The following TERF2IP variants were observed in gnomAD, a reference collection of about 807,000 sequenced individuals.
TERF2IP encodes TERF2 interacting protein, also known as telomeric repeat-binding factor 2-interacting protein 1.
TERF2IP carries 35 observed loss-of-function variants against 33.3 expected under a neutral mutation model. The ratio of observed to expected loss-of-function variants is 1.05; its 90% CI spans 0.80 to 1.39. The LOEUF (loss-of-function observed/expected upper bound fraction) is 1.39. TERF2IP is among the 40% of genes most tolerant of loss of function. TERF2IP has a pLI of 0.00. For synonymous variants in TERF2IP, 253 were observed against 223.2 expected (o/e 1.13, Z -1.19); for missense variants, 583 against 524.8 (o/e 1.11, Z -1.08).
rs1454797138 is a variant in TERF2IP, at chr16:75,657,096, T to G, written c.*485T>G. The G allele has an allele frequency of 6.5e-6, 1 of 152,808 alleles. No homozygotes were observed. Among genetic ancestry groups the G allele is most frequent in the East Asian group, 1.9e-4 (1 of 5,200 alleles). The allele number at this position is 152,808 out of a possible 1,614,324, so 9.5% of individuals were successfully genotyped here. On this transcript the variant is annotated 3_prime_UTR_variant, in exon 3 of 3. Coordinates refer to ENST00000300086, the MANE Select transcript of TERF2IP (RefSeq NM_018975.4). ...TGAACACGGATTATCCCCAAACCCT[T>G]GTCATTTCCCCCAGTGAGCTCTGAT...
chr16:75,656,261 C>G lies in TERF2IP; in HGVS notation c.850C>G (p.Pro284Ala). 6.2e-7 allele frequency: 1 copy of G among 1,613,778 alleles called. No individual in the cohort carries two copies. The highest frequency in any genetic ancestry group is 8.5e-7 in the Non-Finnish European group (1 of 1,179,914). ...EIHITMCDDD[P>A]PTPEEDSETQ... Reference sequence around the variant, plus strand: ...ACATATAACTATGTGTGATGATGATCCACCCACACCTGAGGAAGACTCAGA... The same window carrying G: ...ACATATAACTATGTGTGATGATGATGCACCCACACCTGAGGAAGACTCAGA... The change falls in exon 3 of 3, where the codon CCA (proline) becomes GCA (alanine). Residue 284 changes from proline (P) to alanine (A), a missense_variant. By Grantham distance (27) the Pro-to-Ala change is conservative (BLOSUM62 -1). Coordinates refer to ENST00000300086, the MANE Select transcript of TERF2IP (RefSeq NM_018975.4).
At chr16:75,655,702 A>G (rs1343249491) in intron 2 of TERF2IP, among the ~76,000 whole-genome samples, 2 of 152,320 alleles carry the variant, frequency 1.3e-5, no homozygotes, top group South Asian at 2.1e-4. Flanking sequence ...GCCCTAATAC[A>G]TTCATACAGC....
rs2082383246 is a variant in TERF2IP at position 75,656,059 on chromosome 16, AAGGAACACAGCATATTAAG to A, written c.796-141_796-123del. ...CACATCTGACATGAATAAATGTAAG[AAGGAACACAGCATATTAAG>A]AGGAACTGAAGGAAGTCCAGTGTGA... On this transcript the variant is annotated intron_variant, in intron 2 of 2. Transcript: ENST00000300086. 5.2e-6 allele frequency: 4 copies of A among 770,314 alleles called. No individual in the cohort carries two copies. The South Asian group carries it at 7.1e-5, about 14-fold the overall frequency. The allele number at this position is 770,314 out of a possible 1,614,324, so 47.7% of individuals were successfully genotyped here. A position where few individuals can be genotyped will look rare whatever the true frequency, so the allele number is the denominator to read the frequency against.
At chr16:75,651,849 A>G (rs1167246513) in intron 1 of TERF2IP, among the ~76,000 whole-genome samples, 1 of 152,152 alleles carries the variant, frequency 6.6e-6, no homozygotes, top group Non-Finnish European at 1.5e-5. Flanking sequence ...TATACAAAAT[A>G]GAACAAAAGC....
rs2082310304 is a variant in TERF2IP at position 75,647,831 on chromosome 16, G to T, written c.-52G>T. The stretch of plus-strand genomic sequence containing the variant: ...GACAGCTCAGTCAGTTGAGCTCTGT[G>T]TGCCAGGCGCTCGCGAGGGGGTAGC... On this transcript the variant is annotated 5_prime_UTR_variant, in exon 1 of 3. Coordinates refer to ENST00000300086, the MANE Select transcript of TERF2IP (RefSeq NM_018975.4). The T allele has an allele frequency of 3.1e-6, 5 of 1,596,632 alleles. No homozygotes were observed. Among genetic ancestry groups the T allele is most frequent in the Non-Finnish European group, 4.3e-6 (5 of 1,168,766 alleles).
At chr16:75,654,905 T>C (rs1370590431) in intron 2 of TERF2IP, among the ~76,000 whole-genome samples, 1 of 152,162 alleles carries the variant, frequency 6.6e-6, no homozygotes, top group Non-Finnish European at 1.5e-5. Flanking sequence ...ATTATTTGTA[T>C]TTTTAGTAGA....
chr16:75,650,246 T>C (rs1422396249), intron 1 of TERF2IP, among the ~76,000 whole-genome samples: 1 of 152,086 alleles, frequency 6.6e-6, no homozygotes, highest in South Asian at 2.1e-4. Flanking sequence ...GTTTTTCCTA[T>C]AGGATGATAA....
chr16:75,650,959 T>A (rs1186574080), intron 1 of TERF2IP, among the ~76,000 whole-genome samples: 1 of 152,126 alleles, frequency 6.6e-6, no homozygotes, highest in African/African-American at 2.4e-5. Context: ...GATATTTAAA[T>A]GTAAAAATTA....
intron 1 of TERF2IP, among the ~76,000 whole-genome samples, chr16:75,649,692 C>T (rs1296295690): frequency 1.3e-5 from 2 of 152,096 alleles, no homozygotes; most frequent in African/African-American, 4.8e-5. Context: ...TAAAGGCGTA[C>T]CAGACTTACT....
Position 75,656,391 on chromosome 16 carries a change from T to G in TERF2IP, c.980T>G (p.Leu327Trp). The part of the protein sequence containing the change: ...IIRQLMEKFN[L>W]DLSTVTQAFL... ...CGGCAGTTAATGGAGAAGTTTAACT[T>G]GGATCTATCAACAGTTACACAGGCC... is the stretch of plus-strand genomic sequence containing the variant. The change falls in exon 3 of 3, where the codon TTG (leucine) becomes TGG (tryptophan). Residue 327 changes from leucine to tryptophan, a missense_variant. Coordinates refer to ENST00000300086, the MANE Select transcript of TERF2IP (RefSeq NM_018975.4). The G allele has an allele frequency of 6.2e-7, 1 of 1,614,198 alleles. No homozygotes were observed. Among genetic ancestry groups the G allele is most frequent in the Non-Finnish European group, 8.5e-7 (1 of 1,180,024 alleles).
chr16:75,648,179 T>A lies in TERF2IP; in HGVS notation c.297T>A (p.Tyr99Ter). The change falls in exon 1 of 3, where the codon TAT becomes TAA. Residue 99 changes from tyrosine to a stop codon, truncating the protein, a stop_gained. Transcript: ENST00000300086. LOFTEE classifies it high-confidence loss of function. ...ERNERLELEA[Y>*]RLGPASAADT... ...ACGAGAGGCTGGAGCTGGAGGCCTA[T>A]CGGCTGGGCCCCGCCTCGGCGGCGG... is the stretch of plus-strand genomic sequence containing the variant. The A allele has an allele frequency of 6.4e-7, 1 of 1,560,346 alleles. No homozygotes were observed. The highest frequency in any genetic ancestry group is 8.7e-7 in the Non-Finnish European group (1 of 1,155,052).
Position 75,656,458 on chromosome 16 carries a change from C to T in TERF2IP, c.1047C>T (p.Phe349=). The part of the protein sequence containing the change: ...NSGELEATSA[F]LASGQRADGY... Reference sequence around the variant, plus strand: ...GTGAGCTGGAGGCTACTTCCGCCTTCTTAGCGTCTGGTCAGAGAGCTGATG... The same window carrying T: ...GTGAGCTGGAGGCTACTTCCGCCTTTTTAGCGTCTGGTCAGAGAGCTGATG... The change falls in exon 3 of 3, where the codon TTC becomes TTT. Residue 349 remains phenylalanine, a synonymous_variant. Coordinates refer to ENST00000300086, the MANE Select transcript of TERF2IP (RefSeq NM_018975.4). 2 of 1,614,238 alleles carry T rather than the reference C, an allele frequency of 1.2e-6. No individual in the cohort carries two copies. Among genetic ancestry groups the T allele is most frequent in the South Asian group, 1.1e-5 (1 of 91,088 alleles).
intron 1 of TERF2IP, among the ~76,000 whole-genome samples, chr16:75,649,298 C>CT (rs912450560): frequency 6.6e-6 from 1 of 152,202 alleles, no homozygotes; most frequent in African/African-American, 2.4e-5. Context: ...AATCCCAGCA[C>CT]TTTGGGAGGC....
intron 2 of TERF2IP, among the ~76,000 whole-genome samples, chr16:75,655,662 T>C (rs1460089327): frequency 6.6e-6 from 1 of 152,254 alleles, no homozygotes; most frequent in Non-Finnish European, 1.5e-5. Context: ...TAGCATGCTT[T>C]GTAATCTGTC....
rs750961373 is a variant in TERF2IP at position 75,654,354 on chromosome 16, A to G, written c.752A>G (p.Lys251Arg). The part of the protein sequence containing the change: ...EEIQENEEAV[K>R]KMLVEATREF... ...ATCCAGGAGAATGAAGAAGCAGTCA[A>G]AAAGATGCTTGTGGAAGCCACCCGG... The change falls in exon 2 of 3, where the codon AAA (lysine) becomes AGA (arginine). Residue 251 changes from lysine to arginine, a missense_variant. Transcript: ENST00000300086. 1 of 1,613,874 alleles carries G rather than the reference A, an allele frequency of 6.2e-7. No individual in the cohort carries two copies. The highest frequency in any genetic ancestry group is 1.3e-5 in the African/African-American group (1 of 74,936).
At position 75,647,811 on chromosome 16, in the gene TERF2IP, C is replaced by T; in HGVS notation, c.-72C>T. 3.8e-6 allele frequency: 6 copies of T among 1,595,726 alleles called. No homozygotes were observed. Among genetic ancestry groups the T allele is most frequent in the Non-Finnish European group, 5.1e-6 (6 of 1,166,650 alleles). On this transcript the variant is annotated 5_prime_UTR_variant, in exon 1 of 3. Coordinates refer to ENST00000300086, the MANE Select transcript of TERF2IP (RefSeq NM_018975.4). ...GCGGCAGAGGCGTCTGCGGTGACAG[C>T]TCAGTCAGTTGAGCTCTGTGTGCCA... is the stretch of plus-strand genomic sequence containing the variant.
In TERF2IP at chr16:75,647,804, G is replaced by GTT; in HGVS notation, c.-78_-77insTT. ...GCGCTTCGCGGCAGAGGCGTCTGCG[G>GTT]TGACAGCTCAGTCAGTTGAGCTCTG... is the stretch of plus-strand genomic sequence containing the variant. On this transcript the variant is annotated 5_prime_UTR_variant, in exon 1 of 3. Transcript: ENST00000300086. The GTT allele has an allele frequency of 1.3e-6, 2 of 1,590,352 alleles. No individual in the cohort carries two copies. Among genetic ancestry groups the GTT allele is most frequent in the Non-Finnish European group, 1.7e-6 (2 of 1,161,514 alleles).
At position 75,648,556 on chromosome 16, in the gene TERF2IP, A is replaced by ACCC; in HGVS notation, c.670+4_670+5insCCC. 1 of 1,542,820 alleles carries ACCC rather than the reference A, an allele frequency of 6.5e-7. No individual in the cohort carries two copies. Among genetic ancestry groups the ACCC allele is most frequent in the East Asian group, 2.3e-5 (1 of 42,868 alleles). On this transcript the variant is annotated splice_donor_region_variant and intron_variant, in intron 1 of 2. Transcript: ENST00000300086. ...CCGGAGGCCGCGGATAGCGGGGGTG[A>ACCC]GGAGGCTGAGCGCGGGGCCTCGCGG...
At chr16:75,654,106 T>G (rs2082366509) in intron 1 of TERF2IP, among the ~76,000 whole-genome samples, 167 bp from the exon 2 acceptor site, 1 of 147,652 alleles carries the variant, frequency 6.8e-6, no homozygotes, top group African/African-American at 2.5e-5. Context: ...CGTCCTAGGC[T>G]TTTTTTACCC....
Sources: gnomAD v4.1 joint callset for allele counts (sites outside exome capture counted in the v4.1 genomes callset) on GRCh38, gnomAD v4.1.1 for gene constraint, MANE v1.5 for transcripts, NCBI Gene and HGNC (gene_info 2026-07-23, HGNC 2026-07-21) for gene names.